The following DNAI4 variants were observed in gnomAD, a reference collection of about 807,000 sequenced individuals.
DNAI4 encodes the protein WD repeat domain 78.
In DNAI4, 85 loss-of-function variants were observed where a neutral mutation model predicts 105.8. The ratio of observed to expected loss-of-function variants is 0.80; its 90% CI spans 0.67 to 0.96. DNAI4 has a LOEUF of 0.96. Ranked by LOEUF, DNAI4 falls within the 40% of genes least tolerant of loss-of-function variation. DNAI4 has a pLI of 0.00. For synonymous variants in DNAI4, 352 were observed against 331.5 expected, an observed-to-expected ratio of 1.06 and a Z score of -0.67; for missense variants, 1,014 against 1,005.6, an observed-to-expected ratio of 1.01 and a Z score of -0.11.
chr1:66,824,245 C>G (rs1324513211), intron 15 of DNAI4, among the ~76,000 whole-genome samples: 3 of 143,408 alleles, frequency 2.1e-5, no homozygotes, highest in Non-Finnish European at 3.1e-5. Context: ...TTTCTGAGGG[C>G]TCTGTTCTGT....
chr1:66,838,367 G>A (rs999871753), intron 9 of DNAI4, among the ~76,000 whole-genome samples: 15 of 152,160 alleles, frequency 9.9e-5, no homozygotes, highest in Non-Finnish European at 1.6e-4. Context: ...GCCATGTGAG[G>A]ACACAGTGAA....
chr1:66,909,285 TACACACAC>T lies in DNAI4; in HGVS notation c.171-3918_171-3911del, dbSNP rs71058481. Among the ~76,000 whole-genome samples, 230 of 134,536 alleles carry T rather than the reference TACACACAC, an allele frequency of 1.7e-3. 1 individual carries two copies. Among genetic ancestry groups the T allele is most frequent in the African/African-American group, 6.1e-3 (209 of 34,132 alleles). 88.3% of individuals were successfully genotyped at this position (134,536 alleles called of 152,430 possible). A position where few individuals can be genotyped will look rare whatever the true frequency, so the allele number is the denominator to read the frequency against. On this transcript the variant is annotated intron_variant, in intron 1 of 16. Transcript: ENST00000371026. ...CCTATTTATTGTTGCCACCTCTCTC[TACACACAC>T]ACACACACACACACACACACACACA...
At chr1:66,893,093 G>A (rs1326594093) in intron 3 of DNAI4, 136 bp downstream of exon 3, 2 of 422,364 alleles carry the variant, frequency 4.7e-6, no homozygotes, top group African/African-American at 2.1e-5. Flanking sequence ...AAGAAAGAAA[G>A]AAAGAAAGAA....
At chr1:66,874,424 T>C (rs113765697) in intron 5 of DNAI4, among the ~76,000 whole-genome samples, 4 of 152,272 alleles carry the variant, frequency 2.6e-5, no homozygotes, top group African/African-American at 9.6e-5. Context: ...CATTTCTTTC[T>C]TTTTAAATTG....
chr1:66,824,362 CT>C (rs1393399925), intron 15 of DNAI4, among the ~76,000 whole-genome samples: 2 of 151,554 alleles, frequency 1.3e-5, no homozygotes, highest in African/African-American at 2.4e-5. Flanking sequence ...CAGCTTTGTT[CT>C]TTTGGCTTAG....
chr1:66,878,156 C>T (rs944218490), intron 4 of DNAI4, among the ~76,000 whole-genome samples: 4 of 152,074 alleles, frequency 2.6e-5, no homozygotes, highest in African/African-American at 7.2e-5. Context: ...TTTCTATTCT[C>T]TCCTCTTCAT....
chr1:66,922,535 AG>A (rs1650569902), intron 1 of DNAI4, among the ~76,000 whole-genome samples: 1 of 152,262 alleles, frequency 6.6e-6, no homozygotes, highest in Non-Finnish European at 1.5e-5. Context: ...AAAAAACTTG[AG>A]AAATGTTTTG....
At chr1:66,907,249 T>C (rs980135000) in intron 1 of DNAI4, among the ~76,000 whole-genome samples, 7 of 152,222 alleles carry the variant, frequency 4.6e-5, no homozygotes, top group African/African-American at 1.7e-4. Context: ...CTCAGATTCG[T>C]TTCTGTCATA....
chr1:66,853,762 T>C (rs1646443868), intron 7 of DNAI4, among the ~76,000 whole-genome samples: 1 of 152,150 alleles, frequency 6.6e-6, no homozygotes, highest in Non-Finnish European at 1.5e-5. Context: ...ACTGGTAACA[T>C]TATACCTCAT....
At position 66,874,190 on chromosome 1, in the gene DNAI4, T is replaced by C. The variant is rs547495732; in HGVS notation, c.800+591A>G. On this transcript the variant is annotated intron_variant, in intron 5 of 16. Coordinates refer to ENST00000371026, the MANE Select transcript of DNAI4 (RefSeq NM_024763.5). ...TAGTACAAAATGATAAAGGGGTCAA[T>C]TCTTCATGAAAACATAACAATCCTT... Among the ~76,000 whole-genome samples the C allele has an allele frequency of 2.6e-5, 4 of 152,136 alleles. No homozygotes were observed. The East Asian group carries it at 7.7e-4, about 29-fold the overall frequency.
intron 6 of DNAI4, among the ~76,000 whole-genome samples, chr1:66,868,905 G>A (rs545063501): frequency 4.0e-4 from 60 of 151,698 alleles, no homozygotes; most frequent in Non-Finnish European, 6.9e-4. Context: ...GTAAAATCCC[G>A]TCTCTACTAA....
intron 16 of DNAI4, among the ~76,000 whole-genome samples, chr1:66,815,399 A>G (rs1278632926): frequency 1.3e-5 from 2 of 152,236 alleles, no homozygotes; most frequent in Non-Finnish European, 2.9e-5. Context: ...TTGTTGAATA[A>G]TAAATCAATG....
chr1:66,814,319 T>C, intron 16 of DNAI4, 139 bp from the exon 17 acceptor site: 1 of 638,428 alleles, frequency 1.6e-6, no homozygotes, highest in African/African-American at 1.8e-5. Context: ...CAAGCAAAGG[T>C]AAGTTTAAAC....
intron 6 of DNAI4, among the ~76,000 whole-genome samples, chr1:66,867,562 T>A (rs71639459): frequency 0.098 from 14,857 of 152,158 alleles, 782 homozygotes; most frequent in South Asian, 0.14. Context: ...GATTTTTTTT[T>A]AAAGAACATT....
chr1:66,864,488 G>A lies in DNAI4; in HGVS notation c.941-2186C>T, dbSNP rs573882959. ...GGTGTCAACAGATGGAGACTGGCTA[G>A]CAAGAGGTAATGCAGAGGTGATATG... On this transcript the variant is annotated intron_variant, in intron 6 of 16. Transcript: ENST00000371026. 1.0e-3 allele frequency among the ~76,000 whole-genome samples: 154 copies of A among 152,294 alleles called. 1 individual carries two copies. The highest frequency in any genetic ancestry group is 3.4e-3 in the African/African-American group (142 of 41,558).
intron 3 of DNAI4, among the ~76,000 whole-genome samples, chr1:66,892,773 G>A (rs912217912): frequency 4.0e-5 from 6 of 150,252 alleles, no homozygotes; most frequent in South Asian, 2.1e-4. Flanking sequence ...CAGGTGTAGT[G>A]GGGGGGCGCC....
In DNAI4 at chr1:66,814,028, T is replaced by C; in HGVS notation, c.*102A>G. 1.4e-6 allele frequency: 1 copy of C among 740,468 alleles called. No individual in the cohort carries two copies. The highest frequency in any genetic ancestry group is 2.8e-5 in the South Asian group (1 of 35,964). 45.9% of individuals were successfully genotyped at this position (740,468 alleles called of 1,614,324 possible). On this transcript the variant is annotated 3_prime_UTR_variant, in exon 17 of 17. Transcript: ENST00000371026. ...TAAGTGGAAGTTATACATCAAATAT[T>C]GTTTTCTGAAATCAAAATCTGGTGT...
intron 2 of DNAI4, among the ~76,000 whole-genome samples, chr1:66,903,473 C>T (rs1164302162): frequency 6.6e-6 from 1 of 152,046 alleles, no homozygotes; most frequent in Non-Finnish European, 1.5e-5. Context: ...GAGAACTTTA[C>T]TTCTTCCTTT....
At chr1:66,838,005 C>T (rs1006244703) in intron 9 of DNAI4, among the ~76,000 whole-genome samples, 1 of 152,104 alleles carries the variant, frequency 6.6e-6, no homozygotes, top group African/African-American at 2.4e-5. Context: ...TTCTCATTTG[C>T]AGGCTGAAAG....
Sources: allele counts gnomAD v4.1 joint callset (sites outside exome capture counted in the v4.1 genomes callset), GRCh38; gene constraint gnomAD v4.1.1; transcripts MANE v1.5; gene names NCBI Gene and HGNC (gene_info 2026-07-23, HGNC 2026-07-21).